Variants in COL14A1 observed in about 807,000 individuals in gnomAD.
The protein encoded by COL14A1 is collagen alpha-1(XIV) chain.
Under a neutral mutation model 230.3 loss-of-function variants are expected in COL14A1, and 136 were observed. The ratio of observed to expected loss-of-function variants is 0.59; its 90% CI spans 0.51 to 0.68. The LOEUF (loss-of-function observed/expected upper bound fraction) is 0.68, where lower values mean the gene tolerates loss of function less well. COL14A1 is among the 30% of genes least tolerant of loss of function. The probability of loss-of-function intolerance (pLI) is 0.00; values close to 1 mark genes in which losing one functional copy is unlikely to be tolerated. For synonymous variants in COL14A1, 792 were observed against 784.1 expected (o/e 1.01, Z -0.17); for missense variants, 1,976 against 2,215.8 (o/e 0.89, Z 2.17).
chr8:120,161,401 A>G (rs1347474184), intron 3 of COL14A1, among the ~76,000 whole-genome samples: 1 of 152,220 alleles, frequency 6.6e-6, no homozygotes, highest in Non-Finnish European at 1.5e-5. Context: ...AAAGTTGAGT[A>G]TTTATCATCA....
At chr8:120,362,747 G>A (rs1206076948) in intron 45 of COL14A1, among the ~76,000 whole-genome samples, 1 of 152,154 alleles carries the variant, frequency 6.6e-6, no homozygotes, top group African/African-American at 2.4e-5. Context: ...GTTTTACTGT[G>A]AACCCAAAAC....
At chr8:120,348,187 CATATATAAAGCAT>C (rs1342979147) in intron 45 of COL14A1, among the ~76,000 whole-genome samples, 3 of 145,728 alleles carry the variant, frequency 2.1e-5, no homozygotes, top group South Asian at 4.3e-4. Flanking sequence ...ATATATGAAG[CATATATAAAGCAT>C]ATATATATGT....
chr8:120,367,317 G>T, intron 46 of COL14A1, 69 bp downstream of exon 46: 3 of 1,268,724 alleles, frequency 2.4e-6, no homozygotes, highest in Non-Finnish European at 3.4e-6. Flanking sequence ...TGCAAGTGAG[G>T]AAAATGGTCA....
intron 20 of COL14A1, 32 bp downstream of exon 20, chr8:120,244,040 C>G: frequency 6.2e-7 from 1 of 1,601,056 alleles, no homozygotes; most frequent in Admixed American, 1.7e-5. Flanking sequence ...TGAATACAAG[C>G]CGACTCATTA....
intron 1 of COL14A1, among the ~76,000 whole-genome samples, chr8:120,128,684 G>A (rs74488171): frequency 0.028 from 4,237 of 152,206 alleles, 151 homozygotes; most frequent in African/African-American, 0.083. Flanking sequence ...AATTCTGAGC[G>A]TTCTTTAAGT....
chr8:120,203,900 A>G lies in COL14A1; in HGVS notation c.1039+30A>G, dbSNP rs149459724. The G allele has an allele frequency of 5.4e-4, 862 of 1,604,214 alleles. 6 individuals are homozygous for G. The highest frequency in any genetic ancestry group is 6.5e-4 in the South Asian group (58 of 89,864). ...AATGAGTGACAGAGCAGTCCTGTGG[A>G]TGTCAGTATTATGGTGCACAAGCCT... On this transcript the variant is annotated intron_variant, in intron 9 of 47. Coordinates refer to ENST00000297848, the MANE Select transcript of COL14A1 (RefSeq NM_021110.4).
intron 2 of COL14A1, among the ~76,000 whole-genome samples, chr8:120,156,888 C>A (rs1586723763): frequency 6.6e-6 from 1 of 152,146 alleles, no homozygotes; most frequent in Non-Finnish European, 1.5e-5. Flanking sequence ...CCATGTTATA[C>A]CCCATGCCTA....
intron 36 of COL14A1, among the ~76,000 whole-genome samples, chr8:120,303,761 T>G (rs1485707574): frequency 6.6e-6 from 1 of 152,132 alleles, no homozygotes; most frequent in East Asian, 1.9e-4. Context: ...ATAGAATGAG[T>G]TGAGGAAGAG....
Position 120,206,925 on chromosome 8 carries a change from T to G in COL14A1, c.1040-18T>G. ...AACTTTGGGTAAGAGGTTTATTTGA[T>G]ATGTTTTTTTAATTTAGCCTCAGCC... is the stretch of plus-strand genomic sequence containing the variant. On this transcript the variant is annotated intron_variant, in intron 9 of 47. Transcript: ENST00000297848. The G allele has an allele frequency of 6.3e-7, 1 of 1,589,548 alleles. No individual in the cohort carries two copies.
chr8:120,180,378 C>G (rs968855738), intron 5 of COL14A1, among the ~76,000 whole-genome samples: 1 of 152,140 alleles, frequency 6.6e-6, no homozygotes, highest in South Asian at 2.1e-4. Flanking sequence ...GACTTCATTT[C>G]TCCTTGGTTT....
intron 23 of COL14A1, among the ~76,000 whole-genome samples, chr8:120,256,212 GTTC>G (rs1356488703): frequency 6.6e-6 from 1 of 152,116 alleles, no homozygotes; most frequent in East Asian, 1.9e-4. Context: ...AATGTAGCCT[GTTC>G]TTTCTGGGCA....
chr8:120,284,727 A>G (rs2129926611), intron 32 of COL14A1, among the ~76,000 whole-genome samples: 1 of 152,326 alleles, frequency 6.6e-6, no homozygotes, highest in Admixed American at 6.5e-5. Context: ...TACTAACTTC[A>G]TATATACCTG....
rs540332270 is a variant in COL14A1 at position 120,329,438 on chromosome 8, C to G, written c.4660-2703C>G. On this transcript the variant is annotated intron_variant, in intron 40 of 47. Coordinates refer to ENST00000297848, the MANE Select transcript of COL14A1 (RefSeq NM_021110.4). ...CCTGAGCAATGTGACAAAACCCCAT[C>G]TCTACAAAACATACAAAAATTAGCC... Among the ~76,000 whole-genome samples, 22 of 152,194 alleles carry G rather than the reference C, an allele frequency of 1.4e-4. 1 individual carries two copies. The highest frequency in any genetic ancestry group is 3.4e-3 in the Middle Eastern group (1 of 294).
At chr8:120,346,033 GT>G (rs1463041380) in intron 45 of COL14A1, among the ~76,000 whole-genome samples, 30 of 152,244 alleles carry the variant, frequency 2.0e-4, no homozygotes, top group Non-Finnish European at 7.3e-5. Context: ...CCTGAGAAGA[GT>G]CATGAATTGT....
At chr8:120,179,853 T>C (rs377308437) in intron 5 of COL14A1, among the ~76,000 whole-genome samples, 1 of 152,046 alleles carries the variant, frequency 6.6e-6, no homozygotes, top group Non-Finnish European at 1.5e-5. Context: ...AAAACAGATA[T>C]ATAGAACAAT....
intron 19 of COL14A1, among the ~76,000 whole-genome samples, chr8:120,235,126 GGTAGTTTGTATTTCTGTGGGATCAATA>G (rs1178573181): frequency 6.6e-6 from 1 of 152,074 alleles, no homozygotes; most frequent in Admixed American, 6.6e-5. Context: ...ATTCTCTGAT[GGTAGTTTGTATTTCTGTGGGATCAATA>G]GTGATATCCC....
intron 45 of COL14A1, among the ~76,000 whole-genome samples, chr8:120,353,442 AG>A (rs1486719409): frequency 8.3e-6 from 1 of 120,080 alleles, no homozygotes; most frequent in African/African-American, 3.4e-5. Flanking sequence ...CTACCATCAG[AG>A]TGAACAGGCA....
chr8:120,157,927 G>A (rs1815533818), intron 2 of COL14A1, among the ~76,000 whole-genome samples: 1 of 152,310 alleles, frequency 6.6e-6, no homozygotes, highest in African/African-American at 2.4e-5. Flanking sequence ...AGAGGTTGTA[G>A]TGAGCTGAGA....
At chr8:120,342,861 G>A (rs1375403647) in intron 44 of COL14A1, among the ~76,000 whole-genome samples, 1 of 152,184 alleles carries the variant, frequency 6.6e-6, no homozygotes, top group Non-Finnish European at 1.5e-5. Flanking sequence ...TAACTTGCAA[G>A]ATTTAAATGA....
Sources: gnomAD v4.1 joint callset for allele counts (sites outside exome capture counted in the v4.1 genomes callset) on GRCh38, gnomAD v4.1.1 for gene constraint, MANE v1.5 for transcripts, NCBI Gene and HGNC (gene_info 2026-07-23, HGNC 2026-07-21) for gene names.